INTS2: variants seen among roughly 807,000 people sequenced by gnomAD.
The protein encoded by INTS2 is KIAA1287.
A neutral mutation model predicts 139.6 loss-of-function variants in INTS2; 57 were observed. That is an observed-to-expected ratio of 0.41 (90% CI 0.33 to 0.51). The LOEUF is 0.51. Ranked by LOEUF, INTS2 falls within the 20% of genes least tolerant of loss-of-function variation. The pLI, the probability that INTS2 is intolerant of heterozygous loss-of-function variation, is 0.28. For synonymous variants in INTS2, 473 were observed against 493.4 expected, an observed-to-expected ratio of 0.96 and a Z score of 0.55; for missense variants, 1,196 against 1,436.7, an observed-to-expected ratio of 0.83 and a Z score of 2.71.
Position 61,907,415 on chromosome 17 carries a change from C to A in INTS2, c.1174G>T (p.Gly392Ter). 6.3e-7 allele frequency: 1 copy of A among 1,580,788 alleles called. No homozygotes were observed. The highest frequency in any genetic ancestry group is 2.3e-5 in the East Asian group (1 of 43,588). ...TATCAAACTATTGAATACTTGAGTCCAGCGATCCCCATCAAAGCACAGTAC... is the reference window on the plus strand; with the variant it reads ...TATCAAACTATTGAATACTTGAGTCAAGCGATCCCCATCAAAGCACAGTAC... ...RLYCALMGIA[G>*]LKPTEEEAEQ... is the part of the protein sequence containing the mutation. The change falls in exon 8 of 25, where the codon GGA becomes TGA. Residue 392 changes from glycine to a stop codon, truncating the protein, a stop_gained. Transcript: ENST00000251334. LOFTEE classifies it high-confidence loss of function.
Position 61,899,376 on chromosome 17 carries a change from G to A in INTS2, c.1308-1637C>T, listed in dbSNP as rs922846186. 7.2e-5 allele frequency among the ~76,000 whole-genome samples: 11 copies of A among 151,858 alleles called. No homozygotes were observed. The East Asian group carries it at 1.6e-3, about 21-fold the overall frequency. ...AGAGATTCTCCTGCCTCAGCCTCCC[G>A]AGCAGCTGGGATTACAGGTGCCCAC... On this transcript the variant is annotated intron_variant, in intron 9 of 24. Coordinates refer to ENST00000251334, the MANE Select transcript of INTS2 (RefSeq NM_001351695.2).
rs2079231948 is a variant in INTS2 at position 61,886,674 on chromosome 17, A to G, written c.1985-1669T>C. ...CTCTGTCTCATCTCTACTGCATTCT[A>G]TATGCCTGGCACCCAAAGCTCATTC... On this transcript the variant is annotated intron_variant, in intron 15 of 24. Coordinates refer to ENST00000251334, the MANE Select transcript of INTS2 (RefSeq NM_001351695.2). Among the ~76,000 whole-genome samples, 7 of 152,208 alleles carry G rather than the reference A, an allele frequency of 4.6e-5. No individual in the cohort carries two copies. In the South Asian group the frequency reaches 1.4e-3, roughly 31 times the overall value.
intron 13 of INTS2, among the ~76,000 whole-genome samples, chr17:61,892,222 T>A (rs1486089870): frequency 6.6e-6 from 1 of 152,202 alleles, no homozygotes; most frequent in Admixed American, 6.5e-5. Context: ...GATGATGCAA[T>A]CTGGCTGGAA....
Position 61,907,608 on chromosome 17 carries a change from G to A in INTS2, c.981C>T (p.Val327=). 2 of 1,588,868 alleles carry A rather than the reference G, an allele frequency of 1.3e-6. No individual in the cohort carries two copies. Among genetic ancestry groups the A allele is most frequent in the East Asian group, 2.3e-5 (1 of 44,304 alleles). ...GAAGCTGCCTTCTCATCTGCCAAAG[G>A]ACAGAACTGCTGGTCTCTCTTTTTC... ...QQRKRETSSS[V]LWQMRRQLLL... The change falls in exon 8 of 25, where the codon GTC becomes GTT. Residue 327 remains valine, a synonymous_variant. Coordinates refer to ENST00000251334, the MANE Select transcript of INTS2 (RefSeq NM_001351695.2).
chr17:61,887,017 T>C (rs1288196530), intron 15 of INTS2, among the ~76,000 whole-genome samples: 1 of 152,166 alleles, frequency 6.6e-6, no homozygotes, highest in Non-Finnish European at 1.5e-5. Context: ...GTTAAAACAA[T>C]AGTTATAGGT....
At chr17:61,918,094 A>G (rs1035703506) in intron 5 of INTS2, among the ~76,000 whole-genome samples, 3 of 152,234 alleles carry the variant, frequency 2.0e-5, no homozygotes, top group South Asian at 4.1e-4. Flanking sequence ...CTCCTCTCTC[A>G]GTAATTGACA....
chr17:61,898,700 G>A (rs901266559), intron 9 of INTS2, among the ~76,000 whole-genome samples: 4 of 152,020 alleles, frequency 2.6e-5, no homozygotes, highest in African/African-American at 2.4e-5. Context: ...TGCAACCTCC[G>A]CCTCCCGGGT....
chr17:61,918,228 A>G (rs1247274920), intron 5 of INTS2, among the ~76,000 whole-genome samples: 1 of 152,192 alleles, frequency 6.6e-6, no homozygotes, highest in Non-Finnish European at 1.5e-5. Flanking sequence ...TCCATTTTAC[A>G]GATGAGAAGT....
chr17:61,889,379 G>A (rs986397379), intron 15 of INTS2, among the ~76,000 whole-genome samples: 2 of 152,098 alleles, frequency 1.3e-5, no homozygotes, highest in Non-Finnish European at 2.9e-5. Context: ...AAGCCACCTC[G>A]ACTGGCCTTT....
chr17:61,903,303 G>A (rs868525888), intron 9 of INTS2, among the ~76,000 whole-genome samples: 5 of 146,290 alleles, frequency 3.4e-5, no homozygotes, highest in Admixed American at 6.9e-5. Flanking sequence ...CAACCCTCCC[G>A]CCTCAGCCTC....
At chr17:61,902,909 G>A (rs1032043774) in intron 9 of INTS2, among the ~76,000 whole-genome samples, 45 of 149,372 alleles carry the variant, frequency 3.0e-4, no homozygotes, top group African/African-American at 1.1e-3. Context: ...GCTCACGCCT[G>A]TAATCCCAGC....
In INTS2 at chr17:61,867,666, T is replaced by C. The variant is rs772178307; in HGVS notation, c.3482A>G (p.Tyr1161Cys). 1 of 1,612,916 alleles carries C rather than the reference T, an allele frequency of 6.2e-7. No individual in the cohort carries two copies. The highest frequency in any genetic ancestry group is 1.7e-5 in the Admixed American group (1 of 59,964). Residue 1161 changes from tyrosine (Y) to cysteine (C), a missense_variant, in exon 25 of 25, where the codon TAT (tyrosine) becomes TGT (cysteine). By Grantham distance (194) the Tyr-to-Cys change is radical (BLOSUM62 -2). Around this residue, in one of 3 missense-constraint regions of INTS2, gnomAD observed 1,129 missense variants for 1,341.9 expected, o/e 0.84. Coordinates refer to ENST00000251334, the MANE Select transcript of INTS2 (RefSeq NM_001351695.2). The surrounding 1 kb of genome is among the most constrained non-coding windows in gnomAD (Gnocchi z 5.6). ...TCCAGTGTCCCTGGATCCATTTTTA[T>C]AAGATGAATCTTTACAGATTTGAGA... The part of the protein sequence containing the change: ...GWSQICKDSS[Y>C]KNGSRDTGSM...
chr17:61,869,598 T>C lies in INTS2; in HGVS notation c.3030+139A>G. 3.7e-6 allele frequency: 4 copies of C among 1,088,506 alleles called. No individual in the cohort carries two copies. Among genetic ancestry groups the C allele is most frequent in the Non-Finnish European group, 5.3e-6 (4 of 760,614 alleles). The allele number at this position is 1,088,506 out of a possible 1,614,324, so 67.4% of individuals were successfully genotyped here. A position where few individuals can be genotyped will look rare whatever the true frequency, so the allele number is the denominator to read the frequency against. On this transcript the variant is annotated intron_variant, in intron 21 of 24. Transcript: ENST00000251334. The surrounding 1 kb of genome is among the most constrained non-coding windows in gnomAD (Gnocchi z 5.4). The stretch of plus-strand genomic sequence containing the variant: ...TTAAAAAAAAAAACAACTAAAAATC[T>C]GGATTTTTCTCCATATTGCAAAAGC...
intron 9 of INTS2, 61 bp downstream of exon 9, chr17:61,904,399 A>G (rs1428716271): frequency 5.8e-6 from 7 of 1,207,868 alleles, no homozygotes; most frequent in African/African-American, 4.6e-5. Context: ...ATGCTATACA[A>G]TTTTATTGAG....
chr17:61,919,187 T>C (rs2079613640), intron 5 of INTS2, among the ~76,000 whole-genome samples: 1 of 152,180 alleles, frequency 6.6e-6, no homozygotes, highest in Non-Finnish European at 1.5e-5. Context: ...CCTCCCAAAG[T>C]GCTGGGATTA....
chr17:61,916,381 C>T (rs1015375125), intron 5 of INTS2, among the ~76,000 whole-genome samples: 4 of 152,112 alleles, frequency 2.6e-5, no homozygotes, highest in African/African-American at 9.7e-5. Context: ...TGCAGTGAGC[C>T]AAGGTCGCAC....
At chr17:61,920,781 T>C (rs1387695100) in intron 4 of INTS2, among the ~76,000 whole-genome samples, 1 of 151,504 alleles carries the variant, frequency 6.6e-6, no homozygotes, top group African/African-American at 2.4e-5. Flanking sequence ...CCAGCCTGGG[T>C]GACAGAGTGA....
intron 3 of INTS2, 41 bp downstream of exon 3, chr17:61,924,920 C>T (rs1321973177): frequency 6.3e-7 from 1 of 1,592,378 alleles, no homozygotes; most frequent in Non-Finnish European, 8.6e-7. Context: ...ACATAGACAT[C>T]AAATCATGCA....
At chr17:61,915,687 C>T (rs1220130937) in intron 5 of INTS2, among the ~76,000 whole-genome samples, 4 of 148,488 alleles carry the variant, frequency 2.7e-5, no homozygotes, top group Admixed American at 6.7e-5. Context: ...AAAAATTAGC[C>T]GGGCGTGGTG....
Sources: gnomAD v4.1 joint callset for allele counts (sites outside exome capture counted in the v4.1 genomes callset) on GRCh38, gnomAD v4.1.1 for gene constraint, gnomAD v4.1.1 regional missense constraint, Gnocchi (gnomAD v3.1) non-coding constraint, MANE v1.5 for transcripts, NCBI Gene and HGNC (gene_info 2026-07-23, HGNC 2026-07-21) for gene names.